Variants in FAF1 observed in about 807,000 individuals in gnomAD.
FAF1 encodes FAS-associated factor 1.
In FAF1, 25 loss-of-function variants were observed where a neutral mutation model predicts 92.5. The observed-to-expected ratio is 0.27, with a 90% CI of 0.20 to 0.38. The LOEUF (loss-of-function observed/expected upper bound fraction) is 0.38. Ranked by LOEUF, FAF1 falls within the 10% of genes least tolerant of loss-of-function variation. The pLI is 1.00. For missense variants in FAF1, 636 were observed against 793.3 expected (o/e 0.80, Z 2.38); for synonymous variants, 234 against 273.2 (o/e 0.86, Z 1.42).
chr1:50,444,343 C>T (rs1236498158), intron 18 of FAF1, among the ~76,000 whole-genome samples: 2 of 152,126 alleles, frequency 1.3e-5, no homozygotes, highest in Admixed American at 6.5e-5. Context: ...GAGATATCTC[C>T]CTGGAGAGGG....
intron 7 of FAF1, among the ~76,000 whole-genome samples, chr1:50,665,391 A>G (rs1655572787): frequency 6.6e-6 from 1 of 152,260 alleles, no homozygotes; most frequent in Non-Finnish European, 1.5e-5. Context: ...CGCTACAAGG[A>G]TATTCATTGC....
intron 6 of FAF1, among the ~76,000 whole-genome samples, chr1:50,713,360 G>A (rs552512916): frequency 7.3e-5 from 11 of 151,606 alleles, no homozygotes; most frequent in South Asian, 2.1e-4. Context: ...TGCAACCTCC[G>A]CCTCCCAGGA....
At chr1:50,504,453 CAG>C (rs1477991683) in intron 15 of FAF1, among the ~76,000 whole-genome samples, 2 of 150,806 alleles carry the variant, frequency 1.3e-5, no homozygotes, top group Non-Finnish European at 2.9e-5. Context: ...AATTGCAACA[CAG>C]AGATACAGAA....
intron 8 of FAF1, among the ~76,000 whole-genome samples, chr1:50,601,511 G>A (rs189478378): frequency 5.3e-5 from 8 of 152,114 alleles, no homozygotes; most frequent in Admixed American, 3.9e-4. Flanking sequence ...GTGAAACCCC[G>A]TCTCTACTAA....
intron 12 of FAF1, among the ~76,000 whole-genome samples, chr1:50,573,033 A>G (rs566005028): frequency 2.0e-5 from 3 of 152,082 alleles, no homozygotes; most frequent in Non-Finnish European, 2.9e-5. Context: ...CATCAATGCT[A>G]TAAGTAGAAA....
intron 1 of FAF1, among the ~76,000 whole-genome samples, chr1:50,860,014 T>C (rs146831648): frequency 5.3e-5 from 8 of 151,980 alleles, no homozygotes; most frequent in Non-Finnish European, 7.4e-5. Context: ...GGACTGCCTA[T>C]TGAATAAACA....
At chr1:50,497,758 C>T (rs967339113) in intron 15 of FAF1, among the ~76,000 whole-genome samples, 2 of 151,754 alleles carry the variant, frequency 1.3e-5, no homozygotes, top group Non-Finnish European at 2.9e-5. Context: ...CCATCTTGGC[C>T]AGGCTGGTCT....
At chr1:50,950,184 C>T (rs988588074) in intron 1 of FAF1, among the ~76,000 whole-genome samples, 16 of 152,172 alleles carry the variant, frequency 1.1e-4, no homozygotes, top group African/African-American at 3.6e-4. Context: ...CTACAAAAGG[C>T]AAATGACTTT....
At chr1:50,835,519 C>T (rs574124510) in intron 2 of FAF1, among the ~76,000 whole-genome samples, 94 of 144,478 alleles carry the variant, frequency 6.5e-4, no homozygotes, top group African/African-American at 2.4e-3. Flanking sequence ...TGCAGTGAGC[C>T]GACATTGCGC....
chr1:50,457,906 G>A (rs1021840142), intron 18 of FAF1, among the ~76,000 whole-genome samples: 1 of 150,474 alleles, frequency 6.6e-6, no homozygotes, highest in African/African-American at 2.4e-5. Flanking sequence ...ATTTGGGGAA[G>A]GGTAAATAAT....
intron 2 of FAF1, among the ~76,000 whole-genome samples, chr1:50,838,142 A>G (rs1195829226): frequency 3.3e-5 from 5 of 152,146 alleles, no homozygotes; most frequent in Admixed American, 6.5e-5. Flanking sequence ...CTTTTTAAAC[A>G]TATTTTGGTA....
At chr1:50,676,499 G>A (rs1192277360) in intron 7 of FAF1, among the ~76,000 whole-genome samples, 1 of 151,436 alleles carries the variant, frequency 6.6e-6, no homozygotes, top group Non-Finnish European at 1.5e-5. Flanking sequence ...TATTTTCAAT[G>A]TAACAATCAC....
At chr1:50,616,191 C>T (rs753770906) in intron 8 of FAF1, among the ~76,000 whole-genome samples, 4 of 152,132 alleles carry the variant, frequency 2.6e-5, no homozygotes, top group Non-Finnish European at 5.9e-5. Flanking sequence ...TCTGAGTCTT[C>T]TATTCTGTTC....
intron 13 of FAF1, among the ~76,000 whole-genome samples, chr1:50,565,864 A>T (rs1650155940): frequency 6.6e-6 from 1 of 152,112 alleles, no homozygotes; most frequent in Non-Finnish European, 1.5e-5. Context: ...CCTTACTGCC[A>T]GTGAATGGCA....
At chr1:50,673,013 A>T (rs113581235) in intron 7 of FAF1, among the ~76,000 whole-genome samples, 5,140 of 152,144 alleles carry the variant, frequency 0.034, 283 homozygotes, top group African/African-American at 0.12. Context: ...ATCCCAGCAC[A>T]TTGGGAGGCT....
At chr1:50,630,263 CA>C (rs1389575281) in intron 8 of FAF1, among the ~76,000 whole-genome samples, 1 of 152,150 alleles carries the variant, frequency 6.6e-6, no homozygotes, top group African/African-American at 2.4e-5. Flanking sequence ...AGTTGTAAGA[CA>C]TATTTTGCAT....
chr1:50,492,688 C>T (rs1175941452), intron 15 of FAF1, among the ~76,000 whole-genome samples: 1 of 152,094 alleles, frequency 6.6e-6, no homozygotes, highest in Admixed American at 6.5e-5. Flanking sequence ...TATTTGTGAC[C>T]TATAAAACTG....
chr1:50,487,087 C>T (rs1646777925), intron 17 of FAF1, among the ~76,000 whole-genome samples: 2 of 152,164 alleles, frequency 1.3e-5, no homozygotes, highest in South Asian at 4.1e-4. Flanking sequence ...TCACACATAA[C>T]TTGCCATTGT....
intron 7 of FAF1, among the ~76,000 whole-genome samples, chr1:50,683,135 A>C (rs1656497587): frequency 6.6e-6 from 1 of 152,192 alleles, no homozygotes; most frequent in South Asian, 2.1e-4. Context: ...TAGATGTTAC[A>C]TAGGATGGTT....
Sources: gnomAD v4.1 joint callset for allele counts (sites outside exome capture counted in the v4.1 genomes callset) on GRCh38, gnomAD v4.1.1 for gene constraint, MANE v1.5 for transcripts, NCBI Gene and HGNC (gene_info 2026-07-23, HGNC 2026-07-21) for gene names.